The following PPME1 variants were observed in gnomAD, a reference collection of about 807,000 sequenced individuals.
PPME1 encodes testicular secretory protein Li 39.
Under a neutral mutation model 56.9 loss-of-function variants are expected in PPME1, and 17 were observed. That is an observed-to-expected ratio of 0.30 (90% CI 0.20 to 0.45). The LOEUF is 0.45. Among genes scored for constraint, PPME1 ranks in the 20% least tolerant of loss-of-function variants. The pLI is 1.00. For synonymous variants in PPME1, 122 were observed against 156.2 expected (o/e 0.78, Z 1.63); for missense variants, 357 against 483.2 (o/e 0.74, Z 2.45).
chr11:74,196,587 C>G (rs946590635), intron 1 of PPME1, among the ~76,000 whole-genome samples: 1 of 152,070 alleles, frequency 6.6e-6, no homozygotes, highest in Non-Finnish European at 1.5e-5. Context: ...GTTCTTGGAT[C>G]TCACTCAAGA....
intron 1 of PPME1, among the ~76,000 whole-genome samples, chr11:74,175,454 T>TCG (rs1346719918): frequency 6.6e-6 from 1 of 151,898 alleles, no homozygotes; most frequent in Non-Finnish European, 1.5e-5. Flanking sequence ...TGAGCCGAGA[T>TCG]CGCGCCATTG....
At chr11:74,189,827 G>A (rs1857787821) in intron 1 of PPME1, among the ~76,000 whole-genome samples, 1 of 152,122 alleles carries the variant, frequency 6.6e-6, no homozygotes. Flanking sequence ...TATTTTGGGG[G>A]TTAGGGCCAC....
chr11:74,188,055 G>C lies in PPME1; in HGVS notation c.102-15673G>C, dbSNP rs112744002. Reference sequence around the variant, plus strand: ...CAAGAAATACAGGCTGCCTCCAGAAGCTGGAAATGGTATTTAGACCTCTCA... The same window carrying C: ...CAAGAAATACAGGCTGCCTCCAGAACCTGGAAATGGTATTTAGACCTCTCA... On this transcript the variant is annotated intron_variant, in intron 1 of 13. Coordinates refer to ENST00000328257, the MANE Select transcript of PPME1 (RefSeq NM_016147.3). Among the ~76,000 whole-genome samples, 771 of 152,250 alleles carry C rather than the reference G, an allele frequency of 5.1e-3. 12 individuals carry two copies. The East Asian group carries it at 0.06, about 12-fold the overall frequency.
At chr11:74,252,770 T>G (rs1280082920) in intron 13 of PPME1, among the ~76,000 whole-genome samples, 1 of 152,090 alleles carries the variant, frequency 6.6e-6, no homozygotes, top group Non-Finnish European at 1.5e-5. Context: ...CCTCTATTGG[T>G]CTAGAGGAAG....
chr11:74,232,670 CA>C (rs1224126060), intron 7 of PPME1, among the ~76,000 whole-genome samples: 1 of 150,058 alleles, frequency 6.7e-6, no homozygotes, highest in Non-Finnish European at 1.5e-5. Flanking sequence ...AACTTTTATC[CA>C]AACTTTTTTT....
intron 1 of PPME1, among the ~76,000 whole-genome samples, chr11:74,181,436 C>G (rs1450880255): frequency 6.6e-6 from 1 of 152,206 alleles, no homozygotes; most frequent in South Asian, 2.1e-4. Flanking sequence ...TCTCTGAGCA[C>G]CTATAACAAT....
intron 1 of PPME1, among the ~76,000 whole-genome samples, chr11:74,188,614 A>G (rs904545646): frequency 3.3e-5 from 5 of 152,312 alleles, no homozygotes; most frequent in Admixed American, 2.6e-4. Context: ...CTTAACAACG[A>G]AAGTCTTGGT....
At chr11:74,172,950 A>G (rs925085272) in intron 1 of PPME1, among the ~76,000 whole-genome samples, 4 of 152,188 alleles carry the variant, frequency 2.6e-5, no homozygotes, top group Non-Finnish European at 4.4e-5. Context: ...TAGGGATGAA[A>G]AGAAAGGAGA....
chr11:74,194,712 A>T (rs991845807), intron 1 of PPME1, among the ~76,000 whole-genome samples: 4 of 152,120 alleles, frequency 2.6e-5, no homozygotes, highest in African/African-American at 9.7e-5. Flanking sequence ...GCAGTCCCTA[A>T]TATAAGATGT....
intron 1 of PPME1, among the ~76,000 whole-genome samples, chr11:74,200,437 A>C (rs563936011): frequency 1.3e-5 from 2 of 151,752 alleles, no homozygotes; most frequent in South Asian, 4.2e-4. Context: ...GCTGGAGGGC[A>C]GTGGCACGAT....
intron 1 of PPME1, among the ~76,000 whole-genome samples, chr11:74,197,451 G>C (rs1427510217): frequency 1.3e-5 from 2 of 152,126 alleles, no homozygotes; most frequent in Non-Finnish European, 1.5e-5. Flanking sequence ...TTTAGAAAAT[G>C]ATTAGTTTTA....
At chr11:74,187,542 A>C (rs1857717750) in intron 1 of PPME1, among the ~76,000 whole-genome samples, 1 of 152,132 alleles carries the variant, frequency 6.6e-6, no homozygotes, top group Non-Finnish European at 1.5e-5. Flanking sequence ...TTGGATTGTT[A>C]ATTGCAAATT....
intron 1 of PPME1, among the ~76,000 whole-genome samples, chr11:74,177,329 G>A (rs1426117485): frequency 6.6e-6 from 1 of 151,922 alleles, no homozygotes; most frequent in Admixed American, 6.6e-5. Context: ...GGGTGTGGTG[G>A]TGTGTGCCTG....
At chr11:74,188,150 C>G (rs1857736351) in intron 1 of PPME1, among the ~76,000 whole-genome samples, 1 of 150,920 alleles carries the variant, frequency 6.6e-6, no homozygotes, top group Non-Finnish European at 1.5e-5. Context: ...GTAGACATAT[C>G]TAGAATCGTG....
At position 74,230,348 on chromosome 11, in the gene PPME1, T is replaced by A. The variant is rs1486269578; in HGVS notation, c.502T>A (p.Ser168Thr). ...GGAIAVHTASSNLVPSLLGLC... is the reference protein window; with the variant it reads ...GGAIAVHTASTNLVPSLLGLC... The stretch of plus-strand genomic sequence containing the variant: ...TGCTATTGCAGTCCACACAGCATCA[T>A]CCAACCTGGTACCAAGCCTCTTGGG... The change falls in exon 6 of 14, where the codon TCC becomes ACC. Residue 168 changes from serine to threonine, a missense_variant. Ser to Thr is a moderately conservative substitution (Grantham distance 58). Around this residue, in one of 2 missense-constraint regions of PPME1, gnomAD observed 182 missense variants for 293.8 expected, o/e 0.62. Transcript: ENST00000328257. The surrounding 1 kb of genome is among the most constrained non-coding windows in gnomAD (Gnocchi z 4.9). 3.1e-6 allele frequency: 5 copies of A among 1,613,878 alleles called. No individual in the cohort carries two copies. The highest frequency in any genetic ancestry group is 4.2e-6 in the Non-Finnish European group (5 of 1,179,804).
At chr11:74,188,959 G>A (rs904604221) in intron 1 of PPME1, among the ~76,000 whole-genome samples, 2 of 152,148 alleles carry the variant, frequency 1.3e-5, no homozygotes, top group African/African-American at 4.8e-5. Flanking sequence ...CAATGTTGAA[G>A]TATAAAACAA....
chr11:74,217,192 A>G (rs943015863), intron 3 of PPME1, among the ~76,000 whole-genome samples: 1 of 152,198 alleles, frequency 6.6e-6, no homozygotes, highest in Non-Finnish European at 1.5e-5. Flanking sequence ...CCTGATGAAC[A>G]TTGATGCAGA....
chr11:74,231,036 T>G, intron 7 of PPME1, 34 bp downstream of exon 7: 1 of 1,489,096 alleles, frequency 6.7e-7, no homozygotes, highest in South Asian at 1.2e-5. Flanking sequence ...TTTATTTAAT[T>G]AATTTGTTTG....
chr11:74,203,303 G>A (rs1054956921), intron 1 of PPME1, among the ~76,000 whole-genome samples: 1 of 152,144 alleles, frequency 6.6e-6, no homozygotes, highest in Non-Finnish European at 1.5e-5. Context: ...AGGAGTGATA[G>A]TGACCAAGAC....
Sources: gnomAD v4.1 joint callset for allele counts (sites outside exome capture counted in the v4.1 genomes callset) on GRCh38, gnomAD v4.1.1 for gene constraint, gnomAD v4.1.1 regional missense constraint, Gnocchi (gnomAD v3.1) non-coding constraint, MANE v1.5 for transcripts, NCBI Gene and HGNC (gene_info 2026-07-23, HGNC 2026-07-21) for gene names.